EPSTI1: variants seen among roughly 807,000 people sequenced by gnomAD.
EPSTI1 encodes the protein epithelial-stromal interaction protein 1.
In EPSTI1, 66 loss-of-function variants were observed where a neutral mutation model predicts 49.9. The observed-to-expected ratio is 1.32, with a 90% CI of 1.08 to 1.62. The LOEUF is 1.62. Ranked by LOEUF, EPSTI1 falls within the 40% of genes most tolerant of loss-of-function variation. The pLI is 0.00. For synonymous variants in EPSTI1, 137 were observed against 130.7 expected, an observed-to-expected ratio of 1.05 and a Z score of -0.33; for missense variants, 394 against 365.5, an observed-to-expected ratio of 1.08 and a Z score of -0.64.
intron 7 of EPSTI1, chr13:42,919,423 TTGTC>T: frequency 8.8e-7 from 1 of 1,137,066 alleles, no homozygotes; most frequent in Non-Finnish European, 1.3e-6. Context: ...TTCACATAAT[TTGTC>T]TAACATTGAA....
At position 42,991,976 on chromosome 13, in the gene EPSTI1, A is replaced by T; in HGVS notation, c.188+2T>A. ...CCGAAGCCAGGTTGTTAAAATACTC[A>T]CCGCCTCTGGCCCGCGTGCACGACG... On this transcript the variant is annotated splice_donor_variant, in intron 1 of 10. Transcript: ENST00000313624. LOFTEE classifies it high-confidence loss of function. 6.2e-7 allele frequency: 1 copy of T among 1,610,590 alleles called. No individual in the cohort carries two copies. Among genetic ancestry groups the T allele is most frequent in the Non-Finnish European group, 8.5e-7 (1 of 1,179,124 alleles).
chr13:42,944,599 C>A (rs181869243), intron 6 of EPSTI1, among the ~76,000 whole-genome samples: 3 of 152,194 alleles, frequency 2.0e-5, no homozygotes, highest in Non-Finnish European at 4.4e-5. Context: ...AGCAAACCAC[C>A]GTGGCACGTG....
At chr13:42,967,422 C>A (rs2039652216) in intron 3 of EPSTI1, among the ~76,000 whole-genome samples, 1 of 152,154 alleles carries the variant, frequency 6.6e-6, no homozygotes, top group Admixed American at 6.5e-5. Flanking sequence ...CCATTGGCCA[C>A]TGAGATGAGT....
chr13:42,889,382 TA>T (rs1238173647), intron 10 of EPSTI1: 1 of 542,856 alleles, frequency 1.8e-6, no homozygotes, highest in African/African-American at 2.0e-5. Context: ...CATACACACT[TA>T]TTGGGGGCCT....
intron 9 of EPSTI1, among the ~76,000 whole-genome samples, chr13:42,897,734 T>G (rs1341213174): frequency 6.6e-6 from 1 of 152,244 alleles, no homozygotes. Context: ...AGGAGTGTCC[T>G]CAACTTGCCT....
chr13:42,902,478 T>A (rs1164910965), intron 8 of EPSTI1, among the ~76,000 whole-genome samples: 2 of 152,218 alleles, frequency 1.3e-5, no homozygotes, highest in Non-Finnish European at 1.5e-5. Context: ...TTGGCTTATA[T>A]CTTTGCTGCA....
At chr13:42,923,031 G>C (rs2038061555) in intron 7 of EPSTI1, among the ~76,000 whole-genome samples, 1 of 152,146 alleles carries the variant, frequency 6.6e-6, no homozygotes, top group African/African-American at 2.4e-5. Context: ...CAGAAGCAAA[G>C]ATTTAGACTC....
At chr13:42,939,683 G>C (rs1422673253) in intron 6 of EPSTI1, among the ~76,000 whole-genome samples, 1 of 152,102 alleles carries the variant, frequency 6.6e-6, no homozygotes, top group African/African-American at 2.4e-5. Flanking sequence ...CACTGATCAT[G>C]GATCACCAAA....
intron 7 of EPSTI1, chr13:42,919,425 G>T: frequency 8.8e-7 from 1 of 1,138,110 alleles, no homozygotes. Context: ...CACATAATTT[G>T]TCTAACATTG....
At chr13:42,918,583 T>C (rs1014452366) in intron 7 of EPSTI1, among the ~76,000 whole-genome samples, 2 of 152,218 alleles carry the variant, frequency 1.3e-5, no homozygotes, top group African/African-American at 4.8e-5. Flanking sequence ...CATTCTGGCA[T>C]TTCTGTCACT....
intron 10 of EPSTI1, among the ~76,000 whole-genome samples, chr13:42,894,193 T>C (rs897406123): frequency 6.6e-6 from 1 of 152,244 alleles, no homozygotes; most frequent in Non-Finnish European, 1.5e-5. Context: ...CTTTTGTCTG[T>C]CAAGTATTTA....
At chr13:42,911,270 C>CGCGT (rs1197556154) in intron 8 of EPSTI1, among the ~76,000 whole-genome samples, 4 of 110,338 alleles carry the variant, frequency 3.6e-5, no homozygotes, top group African/African-American at 9.2e-5. Flanking sequence ...TGTGTGCGCG[C>CGCGT]GCACGCGCGC....
At chr13:42,945,780 C>A (rs988307757) in intron 6 of EPSTI1, among the ~76,000 whole-genome samples, 1 of 152,082 alleles carries the variant, frequency 6.6e-6, no homozygotes, top group African/African-American at 2.4e-5. Flanking sequence ...GTAGCATACA[C>A]CAGGATATCT....
At chr13:42,918,582 A>G (rs2037903863) in intron 7 of EPSTI1, among the ~76,000 whole-genome samples, 1 of 152,178 alleles carries the variant, frequency 6.6e-6, no homozygotes, top group African/African-American at 2.4e-5. Flanking sequence ...TCATTCTGGC[A>G]TTTCTGTCAC....
chr13:42,992,092 T>C lies in EPSTI1; in HGVS notation c.74A>G (p.Gln25Arg). 1 of 1,612,574 alleles carries C rather than the reference T, an allele frequency of 6.2e-7. No individual in the cohort carries two copies. Residue 25 changes from glutamine (Q) to arginine (R), a missense_variant, in exon 1 of 11, where the codon CAG becomes CGG. Transcript: ENST00000313624. The part of the protein sequence containing the change: ...SPASRPTRDP[Q>R]DPSGRQGELS... The stretch of plus-strand genomic sequence containing the variant: ...CTCCCCTTGCCGCCCAGAAGGGTCC[T>C]GGGGATCCCGGGTCGGGCGGGAGGC...
intron 6 of EPSTI1, among the ~76,000 whole-genome samples, chr13:42,942,855 A>AT (rs1156565814): frequency 1.3e-5 from 2 of 150,308 alleles, no homozygotes; most frequent in Non-Finnish European, 3.0e-5. Flanking sequence ...CGCCCGGCTA[A>AT]TTTTTTGTAT....
intron 10 of EPSTI1, among the ~76,000 whole-genome samples, chr13:42,891,650 T>G (rs2037038120): frequency 6.6e-6 from 1 of 152,232 alleles, no homozygotes; most frequent in Non-Finnish European, 1.5e-5. Flanking sequence ...AAATTCAGTA[T>G]CTAATCATTT....
intron 10 of EPSTI1, chr13:42,889,220 C>T (rs1209462732): frequency 1.9e-6 from 3 of 1,563,852 alleles, no homozygotes; most frequent in Non-Finnish European, 1.7e-6. Context: ...CCTTAGGTGC[C>T]TCGAAAAAAC....
At chr13:42,901,849 C>T (rs1409281801) in intron 8 of EPSTI1, among the ~76,000 whole-genome samples, 5 of 152,142 alleles carry the variant, frequency 3.3e-5, no homozygotes, top group South Asian at 2.1e-4. Flanking sequence ...ATGTGCCATG[C>T]TGGTGCGCTG....
Sources: allele counts gnomAD v4.1 joint callset (sites outside exome capture counted in the v4.1 genomes callset), GRCh38; gene constraint gnomAD v4.1.1; transcripts MANE v1.5; gene names NCBI Gene and HGNC (gene_info 2026-07-23, HGNC 2026-07-21).